Variants in NAALADL2 observed in about 807,000 individuals in gnomAD.
The protein encoded by NAALADL2 is inactive N-acetylated-alpha-linked acidic dipeptidase-like protein 2.
Under a neutral mutation model 87.2 loss-of-function variants are expected in NAALADL2, and 76 were observed. The ratio of observed to expected loss-of-function variants is 0.87; its 90% CI spans 0.72 to 1.05. The LOEUF is 1.05. Among genes scored for constraint, NAALADL2 ranks in the 50% least tolerant of loss-of-function variants. The probability of loss-of-function intolerance (pLI) is 0.00; values close to 1 mark genes in which losing one functional copy is unlikely to be tolerated. For synonymous variants in NAALADL2, 354 were observed against 331.0 expected (o/e 1.07, Z -0.75); for missense variants, 1,089 against 945.8 (o/e 1.15, Z -1.99).
chr3:174,661,826 C>T lies in NAALADL2; in HGVS notation c.-114-75815C>T, dbSNP rs535836430. Among the ~76,000 whole-genome samples the T allele has an allele frequency of 1.4e-4, 22 of 152,130 alleles. No individual in the cohort carries two copies. The South Asian group carries it at 2.7e-3, about 19-fold the overall frequency. ...AAAATGTGGTATACACATGCGTGCA[C>T]GCACACACACACACACACGAGCTGT... On this transcript the variant is annotated intron_variant, in intron 2 of 3. Coordinates refer to the NAALADL2 transcript ENST00000434257.
chr3:174,516,365 GT>G (rs1434550112), intron 1 of NAALADL2, among the ~76,000 whole-genome samples: 1 of 151,938 alleles, frequency 6.6e-6, no homozygotes, highest in African/African-American at 2.4e-5. Flanking sequence ...TGAGACCTTT[GT>G]TTTTTCCTCC....
chr3:175,269,085 T>C (rs1482208393), intron 4 of NAALADL2, among the ~76,000 whole-genome samples: 1 of 151,700 alleles, frequency 6.6e-6, no homozygotes, highest in Non-Finnish European at 1.5e-5. Context: ...ATTACAGATG[T>C]GTGCCACCAT....
intron 11 of NAALADL2, among the ~76,000 whole-genome samples, chr3:175,636,551 C>T (rs1728570398): frequency 6.6e-6 from 1 of 151,662 alleles, no homozygotes; most frequent in Admixed American, 6.6e-5. Context: ...ATACAAAAAG[C>T]AGCCAGATGT....
chr3:175,438,902 T>C (rs1455692297), intron 5 of NAALADL2, among the ~76,000 whole-genome samples: 2 of 152,074 alleles, frequency 1.3e-5, no homozygotes, highest in Non-Finnish European at 2.9e-5. Context: ...TGTTTGGTTA[T>C]ATGAATAAGT....
At chr3:175,714,137 G>A (rs142479762) in intron 11 of NAALADL2, among the ~76,000 whole-genome samples, 114 of 152,164 alleles carry the variant, frequency 7.5e-4, no homozygotes, top group African/African-American at 2.7e-3. Context: ...TTATTGATGG[G>A]CATTTGAGTT....
intron 1 of NAALADL2, among the ~76,000 whole-genome samples, chr3:174,462,905 CTT>C (rs1241831739): frequency 6.6e-6 from 1 of 152,164 alleles, no homozygotes; most frequent in African/African-American, 2.4e-5. Flanking sequence ...CAGTAATCCT[CTT>C]TGCTTCATTG....
intron 1 of NAALADL2, among the ~76,000 whole-genome samples, chr3:174,512,658 G>T (rs565746808): frequency 6.6e-6 from 1 of 151,966 alleles, no homozygotes; most frequent in African/African-American, 2.4e-5. Flanking sequence ...TAGCTGCCTT[G>T]GCCTCCCCAA....
chr3:175,111,683 C>G (rs1342197696), intron 2 of NAALADL2, among the ~76,000 whole-genome samples: 1 of 151,700 alleles, frequency 6.6e-6, no homozygotes, highest in African/African-American at 2.4e-5. Flanking sequence ...CTTAGCACAG[C>G]TCACTTCCTA....
intron 2 of NAALADL2, among the ~76,000 whole-genome samples, chr3:175,121,307 A>G (rs1464331917): frequency 6.6e-6 from 1 of 151,866 alleles, no homozygotes; most frequent in Non-Finnish European, 1.5e-5. Context: ...TTAACAAACA[A>G]TATATGCAAC....
At chr3:174,583,275 A>AT (rs1274238402) in intron 2 of NAALADL2, among the ~76,000 whole-genome samples, 1 of 152,260 alleles carries the variant, frequency 6.6e-6, no homozygotes, top group East Asian at 1.9e-4. Flanking sequence ...TCCCTGAATA[A>AT]TTTTTTTCCA....
chr3:175,137,306 ATTATTTTAACCAGT>A (rs1217634083), intron 2 of NAALADL2, among the ~76,000 whole-genome samples: 2 of 152,124 alleles, frequency 1.3e-5, no homozygotes, highest in African/African-American at 4.8e-5. Context: ...ACCCACATAT[ATTATTTTAACCAGT>A]TTATTTAACC....
intron 2 of NAALADL2, among the ~76,000 whole-genome samples, chr3:174,720,893 T>C (rs1731654416): frequency 6.6e-6 from 1 of 152,180 alleles, no homozygotes; most frequent in South Asian, 2.1e-4. Context: ...TTAGAGACCA[T>C]AAAATGAAAT....
chr3:175,291,013 A>G (rs1472920422), intron 4 of NAALADL2, among the ~76,000 whole-genome samples: 1 of 152,090 alleles, frequency 6.6e-6, no homozygotes, highest in East Asian at 1.9e-4. Flanking sequence ...TTATGTATAC[A>G]TTTATTTCAT....
chr3:175,557,336 A>G (rs1168218779), intron 9 of NAALADL2, among the ~76,000 whole-genome samples: 1 of 152,190 alleles, frequency 6.6e-6, no homozygotes, highest in African/African-American at 2.4e-5. Flanking sequence ...GAAGTGTGTA[A>G]TAATCACATC....
chr3:174,869,096 A>G (rs1727487268), intron 1 of NAALADL2, among the ~76,000 whole-genome samples: 1 of 152,196 alleles, frequency 6.6e-6, no homozygotes, highest in Non-Finnish European at 1.5e-5. Context: ...AGTGAGAAAT[A>G]TTAAAGGACA....
intron 1 of NAALADL2, among the ~76,000 whole-genome samples, chr3:174,966,534 T>C (rs1015302397): frequency 6.6e-6 from 1 of 152,134 alleles, no homozygotes; most frequent in African/African-American, 2.4e-5. Context: ...GTAAATCTCT[T>C]GACTTCGATG....
In NAALADL2 at chr3:175,096,813, G is replaced by T. The variant is rs749267511; in HGVS notation, c.67G>T (p.Val23Phe). 2.5e-6 allele frequency: 4 copies of T among 1,586,974 alleles called. No individual in the cohort carries two copies. The highest frequency in any genetic ancestry group is 3.4e-6 in the Non-Finnish European group (4 of 1,167,700). ...LQGKKMAYQK[V>F]HADQRAPGHS... Reference sequence around the variant, plus strand: ...AGGTAAAAAGATGGCCTATCAGAAGGTCCATGCAGATCAAAGAGCTCCAGG... The same window carrying T: ...AGGTAAAAAGATGGCCTATCAGAAGTTCCATGCAGATCAAAGAGCTCCAGG... Residue 23 changes from valine to phenylalanine, a missense_variant, in exon 2 of 14, where the codon GTC (valine) becomes TTC (phenylalanine). Transcript: ENST00000454872.
At chr3:175,767,667 TA>T (rs1430806229) in intron 13 of NAALADL2, 1 of 152,140 alleles carries the variant, frequency 6.6e-6, no homozygotes, top group Non-Finnish European at 1.5e-5. Flanking sequence ...TTATTATAAA[TA>T]AAAAATGTAT....
intron 2 of NAALADL2, among the ~76,000 whole-genome samples, chr3:174,720,178 A>C (rs1435617502): frequency 6.6e-6 from 1 of 152,164 alleles, no homozygotes; most frequent in Non-Finnish European, 1.5e-5. Context: ...TACGTCAAAC[A>C]AGGGATTATT....
Sources: gnomAD v4.1 joint callset for allele counts (sites outside exome capture counted in the v4.1 genomes callset) on GRCh38, gnomAD v4.1.1 for gene constraint, MANE v1.5 for transcripts, NCBI Gene and HGNC (gene_info 2026-07-23, HGNC 2026-07-21) for gene names.